C10orf143: variants seen among roughly 807,000 people sequenced by gnomAD.
C10orf143 encodes uncharacterized protein C10orf143.
intron 3 of C10orf143, among the ~76,000 whole-genome samples, chr10:130,072,683 C>T (rs1040487767): frequency 6.6e-6 from 1 of 152,136 alleles, no homozygotes; most frequent in African/African-American, 2.4e-5. Flanking sequence ...ACTTCAGAGA[C>T]ATGGCAGGCT....
intron 1 of C10orf143, among the ~76,000 whole-genome samples, chr10:130,084,181 G>A (rs1238275797): frequency 6.6e-6 from 1 of 152,186 alleles, no homozygotes; most frequent in Non-Finnish European, 1.5e-5. Flanking sequence ...AGGCGTGGTG[G>A]CAGGCACCTG....
At chr10:130,061,061 G>A (rs559338595), downstream of C10orf143, among the ~76,000 whole-genome samples, 2 of 152,026 alleles carry the variant, frequency 1.3e-5, no homozygotes, top group African/African-American at 2.4e-5. Context: ...ATCTGGGCCC[G>A]AGGAAGTCAA....
downstream of C10orf143, among the ~76,000 whole-genome samples, chr10:130,061,099 T>C (rs138953440): frequency 0.037 from 5,657 of 152,250 alleles, 353 homozygotes; most frequent in African/African-American, 0.13. Context: ...CTTGCACCAC[T>C]GCACTCCAGC....
intron 1 of C10orf143, among the ~76,000 whole-genome samples, chr10:130,100,270 G>A (rs549405600): frequency 5.9e-5 from 9 of 152,126 alleles, no homozygotes; most frequent in South Asian, 2.1e-4. Context: ...AGTGGCTCAC[G>A]CATGTAATTC....
At chr10:130,043,214 A>G (rs958377891) in intron 3 of C10orf143, among the ~76,000 whole-genome samples, 6 of 152,226 alleles carry the variant, frequency 3.9e-5, no homozygotes, top group African/African-American at 1.4e-4. Context: ...AATGCTTCAT[A>G]ACCTAAGTGT....
intron 1 of C10orf143, among the ~76,000 whole-genome samples, chr10:130,090,057 T>G (rs1033679646): frequency 1.4e-4 from 21 of 152,122 alleles, no homozygotes; most frequent in African/African-American, 4.8e-4. Context: ...AGTTGAAAAT[T>G]TGGATTTCAT....
In C10orf143 at chr10:130,039,378, G is replaced by A. The variant is rs570899698; in HGVS notation, c.298-3408C>T. Among the ~76,000 whole-genome samples the A allele has an allele frequency of 3.3e-5, 5 of 152,266 alleles. No homozygotes were observed. In the South Asian group the frequency reaches 1.0e-3, roughly 32 times the overall value. ...CCTGAGAGCCAGGGGAGTCCGCCAC[G>A]TGAGTCCCAGTGTGAGTCTGAAGAC... is the stretch of plus-strand genomic sequence containing the variant. On this transcript the variant is annotated intron_variant and NMD_transcript_variant, in intron 3 of 5. Transcript: ENST00000643056.
intron 4 of C10orf143, among the ~76,000 whole-genome samples, chr10:130,035,201 T>G (rs4751159): frequency 0.31 from 46,418 of 152,044 alleles, 7,452 homozygotes; most frequent in South Asian, 0.47. Context: ...TATCAGCAGA[T>G]ATGGTTTCCT....
chr10:130,036,716 G>A (rs1860549073), intron 3 of C10orf143, among the ~76,000 whole-genome samples: 2 of 152,154 alleles, frequency 1.3e-5, no homozygotes, highest in African/African-American at 2.4e-5. Context: ...CCCAAAATAC[G>A]GACACAGCAG....
At chr10:130,049,382 C>T (rs1860712145) in intron 3 of C10orf143, among the ~76,000 whole-genome samples, 1 of 152,192 alleles carries the variant, frequency 6.6e-6, no homozygotes, top group Non-Finnish European at 1.5e-5. Flanking sequence ...TTATTCAGAG[C>T]CGGAGCTCCA....
intron 1 of C10orf143, among the ~76,000 whole-genome samples, chr10:130,097,562 A>T (rs1447252443): frequency 6.6e-6 from 1 of 152,218 alleles, no homozygotes; most frequent in Non-Finnish European, 1.5e-5. Flanking sequence ...AAATAAATTT[A>T]CCATAGAAAC....
At chr10:130,106,720 T>TATGGAAC (rs774330842) in intron 1 of C10orf143, 12 of 1,264,022 alleles carry the variant, frequency 9.5e-6, no homozygotes, top group Non-Finnish European at 1.2e-5. Context: ...AGAAACAGCT[T>TATGGAAC]TTGCAAGAAG....
chr10:130,099,913 C>A (rs1861521272), intron 1 of C10orf143, among the ~76,000 whole-genome samples: 1 of 151,032 alleles, frequency 6.6e-6, no homozygotes, highest in Non-Finnish European at 1.5e-5. Context: ...TCTTGGCTCA[C>A]TGCAACCTCC....
chr10:130,036,891 C>T (rs1860551044), intron 3 of C10orf143, among the ~76,000 whole-genome samples: 1 of 152,106 alleles, frequency 6.6e-6, no homozygotes, highest in South Asian at 2.1e-4. Context: ...TTTTGCTCGC[C>T]CTTCTCACCA....
intron 1 of C10orf143, among the ~76,000 whole-genome samples, chr10:130,083,288 G>C (rs1205874428): frequency 6.6e-6 from 1 of 152,152 alleles, no homozygotes; most frequent in East Asian, 1.9e-4. Context: ...TGTTGGTGAG[G>C]CTGCAGGAAA....
intron 3 of C10orf143, among the ~76,000 whole-genome samples, chr10:130,041,813 GCA>G (rs10551202): frequency 0.013 from 2,015 of 150,658 alleles, 40 homozygotes; most frequent in African/African-American, 0.043. Context: ...AATAAGCTCT[GCA>G]CACACACACA....
At chr10:130,079,949 C>T (rs1369481494) in intron 1 of C10orf143, 48 bp from the exon 2 acceptor site, 1 of 398,458 alleles carries the variant, frequency 2.5e-6, no homozygotes, top group Non-Finnish European at 4.4e-6. Context: ...AAGCACACAA[C>T]ACTCTAATTG....
chr10:130,110,567 A>T (rs370515829), intron 1 of C10orf143, 137 bp downstream of exon 1: 5 of 397,076 alleles, frequency 1.3e-5, no homozygotes, highest in East Asian at 7.1e-5. Context: ...CCTCCCAGGG[A>T]CGTACGCGAG....
At chr10:130,095,363 C>A (rs1861446050) in intron 1 of C10orf143, among the ~76,000 whole-genome samples, 1 of 152,206 alleles carries the variant, frequency 6.6e-6, no homozygotes, top group African/African-American at 2.4e-5. Flanking sequence ...AATGGCCATA[C>A]TGCCCAAAGT....
Sources: allele counts gnomAD v4.1 joint callset (sites outside exome capture counted in the v4.1 genomes callset), GRCh38; gene constraint gnomAD v4.1.1; transcripts MANE v1.5; gene names NCBI Gene and HGNC (gene_info 2026-07-23, HGNC 2026-07-21).